The following COG5 variants were observed in gnomAD, a reference collection of about 807,000 sequenced individuals.
COG5 encodes the protein component of oligomeric golgi complex 5.
A neutral mutation model predicts 110.4 loss-of-function variants in COG5; 86 were observed. That is an observed-to-expected ratio of 0.78 (90% CI 0.65 to 0.93). The LOEUF (loss-of-function observed/expected upper bound fraction) is 0.93, where lower values mean the gene tolerates loss of function less well. COG5 is among the 40% of genes least tolerant of loss of function. The pLI, the probability that COG5 is intolerant of heterozygous loss-of-function variation, is 0.00. For missense variants in COG5, 1,077 were observed against 987.0 expected, an observed-to-expected ratio of 1.09 and a Z score of -1.22; for synonymous variants, 360 against 334.6, an observed-to-expected ratio of 1.08 and a Z score of -0.83.
At chr7:107,512,553 C>A (rs1019394711) in intron 6 of COG5, among the ~76,000 whole-genome samples, 4 of 151,046 alleles carry the variant, frequency 2.6e-5, no homozygotes, top group Admixed American at 2.0e-4. Flanking sequence ...CTACTTTAAA[C>A]TTCATATGGA....
intron 6 of COG5, among the ~76,000 whole-genome samples, chr7:107,441,255 C>CAAAAAAAAA (rs551026030): frequency 2.8e-5 from 2 of 71,342 alleles, no homozygotes; most frequent in African/African-American, 5.7e-5. Flanking sequence ...GACTCCGTCT[C>CAAAAAAAAA]AAAAAAAAAA....
chr7:107,527,617 C>T (rs952745815), intron 5 of COG5, among the ~76,000 whole-genome samples: 3 of 152,184 alleles, frequency 2.0e-5, no homozygotes. Context: ...TTCCCACCAA[C>T]CACAAACCTA....
chr7:107,380,999 G>GTAA (rs1323471766), intron 7 of COG5, among the ~76,000 whole-genome samples: 1 of 152,058 alleles, frequency 6.6e-6, no homozygotes, highest in Non-Finnish European at 1.5e-5. Flanking sequence ...ATCAATAAAT[G>GTAA]TAATCCATCA....
At chr7:107,484,763 A>C (rs1401179561) in intron 6 of COG5, among the ~76,000 whole-genome samples, 1 of 152,224 alleles carries the variant, frequency 6.6e-6, no homozygotes, top group African/African-American at 2.4e-5. Context: ...ACTAAAGTGA[A>C]ATTAAGTAAA....
chr7:107,518,284 A>C (rs950811288), intron 6 of COG5, among the ~76,000 whole-genome samples: 1 of 152,202 alleles, frequency 6.6e-6, no homozygotes, highest in African/African-American at 2.4e-5. Flanking sequence ...CATCATGATG[A>C]CAGGATCAAA....
chr7:107,326,222 A>G (rs548725021), intron 10 of COG5, among the ~76,000 whole-genome samples: 1 of 152,328 alleles, frequency 6.6e-6, no homozygotes, highest in South Asian at 2.1e-4. Context: ...CGAAACAGAA[A>G]GCTTTCCCTC....
At chr7:107,546,993 A>T (rs1050329365) in intron 5 of COG5, among the ~76,000 whole-genome samples, 2 of 152,210 alleles carry the variant, frequency 1.3e-5, no homozygotes, top group Non-Finnish European at 2.9e-5. Context: ...TCCCCAAAAA[A>T]ATCAAAGATG....
intron 6 of COG5, among the ~76,000 whole-genome samples, chr7:107,517,046 T>C (rs1799970232): frequency 6.6e-6 from 1 of 152,110 alleles, no homozygotes; most frequent in African/African-American, 2.4e-5. Flanking sequence ...AGGTGGGTAA[T>C]TACAAACTCT....
At chr7:107,363,334 G>A (rs969554440) in intron 8 of COG5, among the ~76,000 whole-genome samples, 6 of 152,170 alleles carry the variant, frequency 3.9e-5, no homozygotes, top group African/African-American at 1.2e-4. Context: ...TTGTGCCAGT[G>A]AGCAATAAAG....
At chr7:107,269,633 C>G (rs1029391164) in intron 14 of COG5, among the ~76,000 whole-genome samples, 4 of 152,096 alleles carry the variant, frequency 2.6e-5, no homozygotes, top group African/African-American at 9.7e-5. Context: ...CATCTTACTT[C>G]TATGTTCCAT....
chr7:107,528,269 T>G, intron 5 of COG5, among the ~76,000 whole-genome samples: 1 of 152,056 alleles, frequency 6.6e-6, no homozygotes, highest in East Asian at 1.9e-4. Flanking sequence ...TTGTATTTTT[T>G]GTGGAGATGA....
At chr7:107,412,334 T>C (rs891393414) in intron 7 of COG5, among the ~76,000 whole-genome samples, 168 bp downstream of exon 7, 1 of 147,518 alleles carries the variant, frequency 6.8e-6, no homozygotes, top group Non-Finnish European at 1.5e-5. Flanking sequence ...ATTAAACATA[T>C]ATTAAAATTT....
intron 6 of COG5, among the ~76,000 whole-genome samples, chr7:107,417,740 A>G (rs1166473630): frequency 1.3e-5 from 2 of 152,170 alleles, no homozygotes; most frequent in African/African-American, 4.8e-5. Context: ...ATATGCTTCT[A>G]TAAGAAATAT....
chr7:107,410,608 A>C (rs1792210545), intron 7 of COG5, among the ~76,000 whole-genome samples: 1 of 151,872 alleles, frequency 6.6e-6, no homozygotes. Flanking sequence ...ATGCCTGGCT[A>C]ATTTTGTATT....
intron 10 of COG5, among the ~76,000 whole-genome samples, chr7:107,325,612 C>A (rs1809698142): frequency 1.3e-5 from 2 of 152,176 alleles, no homozygotes; most frequent in Non-Finnish European, 2.9e-5. Context: ...GATTGCGCCA[C>A]TGCACTTCAG....
intron 2 of COG5, among the ~76,000 whole-genome samples, chr7:107,555,978 T>C (rs751535631): frequency 1.3e-5 from 2 of 148,932 alleles, no homozygotes; most frequent in Admixed American, 6.7e-5. Flanking sequence ...GTGCCACTTA[T>C]ACACCAGCCT....
At chr7:107,391,844 C>A (rs937804221) in intron 7 of COG5, among the ~76,000 whole-genome samples, 1 of 152,172 alleles carries the variant, frequency 6.6e-6, no homozygotes. Flanking sequence ...GTAATCGTAG[C>A]ACTTTGGGAG....
chr7:107,349,295 T>C (rs1811916516), intron 10 of COG5, among the ~76,000 whole-genome samples: 1 of 152,238 alleles, frequency 6.6e-6, no homozygotes. Flanking sequence ...CCTTTTATTT[T>C]TCTTGCCTAT....
chr7:107,461,082 T>C (rs1795962639), intron 6 of COG5, among the ~76,000 whole-genome samples: 1 of 152,088 alleles, frequency 6.6e-6, no homozygotes, highest in Non-Finnish European at 1.5e-5. Context: ...AGAACATCTT[T>C]CAACTCACTG....
Sources: gnomAD v4.1 joint callset for allele counts (sites outside exome capture counted in the v4.1 genomes callset) on GRCh38, gnomAD v4.1.1 for gene constraint, MANE v1.5 for transcripts, NCBI Gene and HGNC (gene_info 2026-07-23, HGNC 2026-07-21) for gene names.